Variants in NAALADL2 observed in about 807,000 individuals in gnomAD.
NAALADL2 encodes inactive N-acetylated-alpha-linked acidic dipeptidase-like protein 2.
A neutral mutation model predicts 87.2 loss-of-function variants in NAALADL2; 76 were observed. That is an observed-to-expected ratio of 0.87 (90% CI 0.72 to 1.05). The LOEUF (loss-of-function observed/expected upper bound fraction) is 1.05. Among genes scored for constraint, NAALADL2 ranks in the 50% least tolerant of loss-of-function variants. NAALADL2 has a pLI of 0.00. For missense variants in NAALADL2, 1,089 were observed against 945.8 expected (o/e 1.15, Z -1.99); for synonymous variants, 354 against 331.0 (o/e 1.07, Z -0.75).
chr3:174,636,750 G>A (rs1231212534), intron 2 of NAALADL2, among the ~76,000 whole-genome samples: 2 of 151,960 alleles, frequency 1.3e-5, no homozygotes, highest in Non-Finnish European at 2.9e-5. Flanking sequence ...AATATGGAGA[G>A]TTGTCAAAAA....
At chr3:175,689,642 C>T (rs1000734766) in intron 11 of NAALADL2, among the ~76,000 whole-genome samples, 1 of 152,140 alleles carries the variant, frequency 6.6e-6, no homozygotes, top group Non-Finnish European at 1.5e-5. Flanking sequence ...CTGCATCTTA[C>T]GTAATGTAAT....
intron 1 of NAALADL2, among the ~76,000 whole-genome samples, chr3:174,984,767 G>A (rs1745610689): frequency 6.6e-6 from 1 of 152,136 alleles, no homozygotes. Context: ...CATAGGGAAG[G>A]CACATACAAT....
chr3:175,695,303 G>A (rs1383893188), intron 11 of NAALADL2, among the ~76,000 whole-genome samples: 6 of 152,118 alleles, frequency 3.9e-5, no homozygotes, highest in Non-Finnish European at 8.8e-5. Context: ...TCCAATGTCT[G>A]TTGTAGTAAT....
At chr3:174,954,234 T>A (rs1740844462) in intron 1 of NAALADL2, among the ~76,000 whole-genome samples, 2 of 152,142 alleles carry the variant, frequency 1.3e-5, no homozygotes, top group African/African-American at 4.8e-5. Flanking sequence ...GTTTGGGGTA[T>A]TTTAATTTCT....
chr3:175,048,508 AT>A (rs11346343), intron 1 of NAALADL2, among the ~76,000 whole-genome samples: 12,411 of 135,922 alleles, frequency 0.091, 706 homozygotes, highest in African/African-American at 0.19. Flanking sequence ...TTCTAAAACC[AT>A]TTTTTTTTTT....
At chr3:174,524,593 G>T (rs1234620205) in intron 1 of NAALADL2, among the ~76,000 whole-genome samples, 1 of 151,972 alleles carries the variant, frequency 6.6e-6, no homozygotes, top group Non-Finnish European at 1.5e-5. Flanking sequence ...TGTTCAGGCT[G>T]GAGTGCAGTG....
chr3:175,516,932 T>C (rs907909318), intron 9 of NAALADL2, among the ~76,000 whole-genome samples: 1 of 152,202 alleles, frequency 6.6e-6, no homozygotes, highest in African/African-American at 2.4e-5. Context: ...ACCTTATATG[T>C]GCCACTTTTG....
chr3:174,756,906 G>A (rs1329650918), intron 3 of NAALADL2, among the ~76,000 whole-genome samples: 1 of 151,986 alleles, frequency 6.6e-6, no homozygotes, highest in East Asian at 1.9e-4. Context: ...CATTTTATAA[G>A]ATTTTAAACA....
At chr3:174,705,271 G>C (rs376216017) in intron 2 of NAALADL2, among the ~76,000 whole-genome samples, 2 of 152,128 alleles carry the variant, frequency 1.3e-5, no homozygotes, top group African/African-American at 2.4e-5. Context: ...CCACGCAGAC[G>C]TGGGGAGAAT....
At chr3:174,753,434 T>C (rs1711533496) in intron 3 of NAALADL2, among the ~76,000 whole-genome samples, 2 of 152,202 alleles carry the variant, frequency 1.3e-5, no homozygotes, top group African/African-American at 2.4e-5. Context: ...TAAATGACCA[T>C]GGTAGTTTTG....
At chr3:175,098,371 T>C (rs1040794711) in intron 2 of NAALADL2, among the ~76,000 whole-genome samples, 14 of 152,132 alleles carry the variant, frequency 9.2e-5, no homozygotes, top group African/African-American at 2.9e-4. Flanking sequence ...AATGCTTCCA[T>C]CAGTGATCAG....
At chr3:175,140,710 C>T in intron 2 of NAALADL2, among the ~76,000 whole-genome samples, 1 of 152,100 alleles carries the variant, frequency 6.6e-6, no homozygotes, top group East Asian at 1.9e-4. Flanking sequence ...TTGAGATAGA[C>T]AGGGTCCTCG....
chr3:174,656,222 G>A (rs1483089072), intron 2 of NAALADL2, among the ~76,000 whole-genome samples: 1 of 152,158 alleles, frequency 6.6e-6, no homozygotes, highest in African/African-American at 2.4e-5. Flanking sequence ...ATACCCTGAA[G>A]TAGGTGAAGC....
chr3:175,181,451 T>C (rs1373654510), intron 2 of NAALADL2, among the ~76,000 whole-genome samples: 2 of 151,730 alleles, frequency 1.3e-5, no homozygotes, highest in African/African-American at 4.8e-5. Flanking sequence ...TTTGCACCCT[T>C]TGATCGACAT....
At chr3:175,405,877 A>T (rs1289448871) in intron 5 of NAALADL2, among the ~76,000 whole-genome samples, 1 of 152,178 alleles carries the variant, frequency 6.6e-6, no homozygotes, top group East Asian at 1.9e-4. Flanking sequence ...GGTAAAAATT[A>T]TTTCATTTTT....
At chr3:175,142,826 A>G (rs115498947) in intron 2 of NAALADL2, among the ~76,000 whole-genome samples, 462 of 150,938 alleles carry the variant, frequency 3.1e-3, no homozygotes, top group African/African-American at 0.011. Context: ...AACTTGTCAA[A>G]CTCTATTTGA....
intron 10 of NAALADL2, among the ~76,000 whole-genome samples, chr3:175,584,058 G>A (rs373926242): frequency 4.1e-5 from 6 of 145,506 alleles, no homozygotes; most frequent in Admixed American, 6.8e-5. Flanking sequence ...TTTTTTCTGC[G>A]ATGGAGTCTG....
intron 1 of NAALADL2, among the ~76,000 whole-genome samples, chr3:175,075,102 C>T (rs1377584694): frequency 6.6e-6 from 1 of 151,956 alleles, no homozygotes; most frequent in African/African-American, 2.4e-5. Flanking sequence ...TAGCAATAAC[C>T]CTATGAGCTG....
intron 1 of NAALADL2, among the ~76,000 whole-genome samples, chr3:174,524,673 G>C (rs772961705): frequency 3.3e-5 from 5 of 151,074 alleles, no homozygotes; most frequent in Admixed American, 1.3e-4. Flanking sequence ...GCCTCCTACT[G>C]GGCAGCTGGG....
Sources: gnomAD v4.1 joint callset for allele counts (sites outside exome capture counted in the v4.1 genomes callset) on GRCh38, gnomAD v4.1.1 for gene constraint, MANE v1.5 for transcripts, NCBI Gene and HGNC (gene_info 2026-07-23, HGNC 2026-07-21) for gene names.